The following SEMA6A variants were observed in gnomAD, a reference collection of about 807,000 sequenced individuals.
SEMA6A encodes semaphorin 6A.
SEMA6A carries 25 observed loss-of-function variants against 96.8 expected under a neutral mutation model. The observed-to-expected ratio is 0.26, with a 90% CI of 0.19 to 0.36. The LOEUF (loss-of-function observed/expected upper bound fraction) is 0.36, where lower values mean the gene tolerates loss of function less well. Among genes scored for constraint, SEMA6A ranks in the 10% least tolerant of loss-of-function variants. The pLI is 1.00. For synonymous variants in SEMA6A, 612 were observed against 518.0 expected, an observed-to-expected ratio of 1.18 and a Z score of -2.46; for missense variants, 1,363 against 1,323.1, an observed-to-expected ratio of 1.03 and a Z score of -0.47.
At position 116,475,930 on chromosome 5, in the gene SEMA6A, C is replaced by T. The variant is rs546587814; in HGVS notation, c.1650-327G>A. On this transcript the variant is annotated intron_variant, in intron 15 of 18. Transcript: ENST00000343348. ...TAAGAAGTTTAGATGTTAAAATACA[C>T]GCCTCATAGAAACAATATGGAAGTC... is the stretch of plus-strand genomic sequence containing the variant. Among the ~76,000 whole-genome samples the T allele has an allele frequency of 2.0e-5, 3 of 152,182 alleles. No individual in the cohort carries two copies. In the South Asian group the frequency reaches 6.2e-4, roughly 32 times the overall value.
chr5:116,483,553 G>A (rs1299174930), intron 10 of SEMA6A, among the ~76,000 whole-genome samples: 1 of 152,044 alleles, frequency 6.6e-6, no homozygotes, highest in Non-Finnish European at 1.5e-5. Context: ...TGCAAATGTT[G>A]AACAGATATA....
intron 11 of SEMA6A, among the ~76,000 whole-genome samples, chr5:116,480,745 C>T (rs1479737742): frequency 2.0e-5 from 3 of 152,130 alleles, no homozygotes; most frequent in Non-Finnish European, 4.4e-5. Context: ...AGCAAGACTC[C>T]GTGTAATCAT....
At chr5:116,456,596 C>T (rs79814875) in intron 18 of SEMA6A, among the ~76,000 whole-genome samples, 5,324 of 152,308 alleles carry the variant, frequency 0.035, 153 homozygotes, top group Admixed American at 0.077. Flanking sequence ...TGAAACAATG[C>T]TTGTGGTCTC....
rs143784506 is a variant in SEMA6A at position 116,520,817 on chromosome 5, ACTGCCTATGGTT to A, written c.-38-15847_-38-15836del. On this transcript the variant is annotated intron_variant, in intron 1 of 18. Coordinates refer to ENST00000343348, the MANE Select transcript of SEMA6A (RefSeq NM_020796.5). ...ATTTAGGGTCCCCATGGAGAACCTGACTGCCTATGGTTCTTGGATCCTCTGACAAGTCTTTCC... is the reference window on the plus strand; with the variant it reads ...ATTTAGGGTCCCCATGGAGAACCTGACTTGGATCCTCTGACAAGTCTTTCC... 4.0e-3 allele frequency among the ~76,000 whole-genome samples: 612 copies of A among 152,266 alleles called. 1 individual carries two copies. Among genetic ancestry groups the A allele is most frequent in the African/African-American group, 0.014 (574 of 41,558 alleles).
At chr5:116,495,996 A>C (rs906541139) in intron 5 of SEMA6A, 1 of 420,628 alleles carries the variant, frequency 2.4e-6, no homozygotes, top group Non-Finnish European at 4.3e-6. Context: ...GACTCTGGGC[A>C]GCCGGCTTTG....
At chr5:116,475,734 A>C in intron 15 of SEMA6A, 131 bp from the exon 16 acceptor site, 1 of 578,096 alleles carries the variant, frequency 1.7e-6, no homozygotes, top group Non-Finnish European at 3.0e-6. Context: ...AAAGAAATAC[A>C]TAACAGCTTT....
At chr5:116,481,627 A>G (rs988811593) in intron 11 of SEMA6A, among the ~76,000 whole-genome samples, 3 of 152,192 alleles carry the variant, frequency 2.0e-5, no homozygotes, top group African/African-American at 7.2e-5. Flanking sequence ...AGAGGCACAC[A>G]ACTCCTGGGG....
intron 16 of SEMA6A, among the ~76,000 whole-genome samples, chr5:116,473,798 T>C (rs1756297182): frequency 6.6e-6 from 1 of 152,166 alleles, no homozygotes; most frequent in African/African-American, 2.4e-5. Flanking sequence ...TAGTTCATGC[T>C]TCAGCAGGAA....
At chr5:116,503,806 C>T (rs1758015541) in intron 2 of SEMA6A, among the ~76,000 whole-genome samples, 1 of 152,142 alleles carries the variant, frequency 6.6e-6, no homozygotes, top group Non-Finnish European at 1.5e-5. Context: ...TAAGCCACCG[C>T]GCCCTGCCCT....
intron 1 of SEMA6A, among the ~76,000 whole-genome samples, chr5:116,565,295 C>T (rs938868884): frequency 1.3e-5 from 2 of 152,138 alleles, no homozygotes; most frequent in Admixed American, 6.5e-5. Flanking sequence ...TCTTTCAGAG[C>T]ACAACTGTCA....
chr5:116,496,177 C>T (rs32974), intron 5 of SEMA6A, 74 bp downstream of exon 5: 170,457 of 1,213,338 alleles, frequency 0.14, 12,970 homozygotes, highest in Non-Finnish European at 0.15. Flanking sequence ...TTCTACATCA[C>T]GGTCTATGGC....
At chr5:116,465,166 G>A (rs992888820) in intron 18 of SEMA6A, among the ~76,000 whole-genome samples, 8 of 152,070 alleles carry the variant, frequency 5.3e-5, no homozygotes, top group African/African-American at 9.7e-5. Flanking sequence ...TTAAGGCACC[G>A]ACATCAGGGA....
chr5:116,492,353 G>C (rs1561494108), intron 6 of SEMA6A: 1 of 151,890 alleles, frequency 6.6e-6, no homozygotes, highest in Non-Finnish European at 1.5e-5. Context: ...GCAAGAAGTA[G>C]TGAAGTACAA....
intron 1 of SEMA6A, among the ~76,000 whole-genome samples, chr5:116,531,691 G>A (rs928039357): frequency 2.6e-5 from 4 of 152,096 alleles, no homozygotes; most frequent in African/African-American, 9.7e-5. Flanking sequence ...TCCTGGTTCT[G>A]TTTGCCCCCT....
chr5:116,464,680 G>A (rs934692772), intron 18 of SEMA6A, among the ~76,000 whole-genome samples: 10 of 152,138 alleles, frequency 6.6e-5, no homozygotes, highest in African/African-American at 2.4e-4. Flanking sequence ...TAGGCTGCAA[G>A]GTGAGGAAGG....
chr5:116,552,600 G>A (rs543083679), intron 1 of SEMA6A, among the ~76,000 whole-genome samples: 273 of 152,268 alleles, frequency 1.8e-3, no homozygotes, highest in Non-Finnish European at 3.2e-3. Context: ...AAGCGGCCCG[G>A]GCAGTATGAA....
intron 1 of SEMA6A, among the ~76,000 whole-genome samples, chr5:116,572,409 T>G (rs887747630): frequency 1.3e-4 from 20 of 152,270 alleles, no homozygotes; most frequent in South Asian, 4.2e-4. Flanking sequence ...GGCTCCCCAG[T>G]GCGATACAGG....
rs138539399 is a variant in SEMA6A at position 116,539,590 on chromosome 5, CGTGTGTGTGT to C, written c.-39+34585_-39+34594del. 4.8e-5 allele frequency among the ~76,000 whole-genome samples: 7 copies of C among 144,950 alleles called. No individual in the cohort carries two copies. The South Asian group carries it at 6.6e-4, about 14-fold the overall frequency. Reference sequence around the variant, plus strand: ...TGCAATACATTTTAATAATTCTGTGCGTGTGTGTGTGTGTGTGTGTGTGTGTGTACTTTCT... The same window carrying C: ...TGCAATACATTTTAATAATTCTGTGCGTGTGTGTGTGTGTGTGTACTTTCT... On this transcript the variant is annotated intron_variant, in intron 1 of 18. Transcript: ENST00000343348.
intron 18 of SEMA6A, among the ~76,000 whole-genome samples, chr5:116,456,820 A>G (rs1246924890): frequency 6.6e-6 from 1 of 152,188 alleles, no homozygotes; most frequent in African/African-American, 2.4e-5. Context: ...TGCATCTAAT[A>G]TCATCTCAAA....
Sources: gnomAD v4.1 joint callset for allele counts (sites outside exome capture counted in the v4.1 genomes callset) on GRCh38, gnomAD v4.1.1 for gene constraint, MANE v1.5 for transcripts, NCBI Gene and HGNC (gene_info 2026-07-23, HGNC 2026-07-21) for gene names.